ADAMTS3: variants seen among roughly 807,000 people sequenced by gnomAD.
ADAMTS3 encodes the protein ADAM metallopeptidase with thrombospondin type 1 motif 3.
In ADAMTS3, 73 loss-of-function variants were observed where a neutral mutation model predicts 129.0. That is an observed-to-expected ratio of 0.57 (90% CI 0.47 to 0.69). The LOEUF (loss-of-function observed/expected upper bound fraction) is 0.69, where lower values mean the gene tolerates loss of function less well. ADAMTS3 is among the 30% of genes least tolerant of loss of function. The pLI, the probability that ADAMTS3 is intolerant of heterozygous loss-of-function variation, is 0.00. For missense variants in ADAMTS3, 1,457 were observed against 1,514.5 expected, an observed-to-expected ratio of 0.96 and a Z score of 0.63; for synonymous variants, 477 against 510.8, an observed-to-expected ratio of 0.93 and a Z score of 0.89.
Position 72,303,974 on chromosome 4 carries a change from T to A in ADAMTS3, c.2367A>T (p.Glu789Asp). 1 of 1,613,772 alleles carries A rather than the reference T, an allele frequency of 6.2e-7. No individual in the cohort carries two copies. Among genetic ancestry groups the A allele is most frequent in the Non-Finnish European group, 8.5e-7 (1 of 1,179,762 alleles). Residue 789 changes from glutamate (E) to aspartate (D), a missense_variant, in exon 17 of 22, where the codon GAA becomes GAT. Glu to Asp is a conservative substitution (Grantham distance 45, BLOSUM62 2). Transcript: ENST00000286657. ...DLGVEWDYNIEDDIESLHTDG... is the reference protein window; with the variant it reads ...DLGVEWDYNIDDDIESLHTDG... ...CGGTGTGAAGACTTTCAATGTCATC[T>A]TCAATGTTATAATCCCACTCCACAC...
At chr4:72,295,034 T>C (rs1472660139) in intron 19 of ADAMTS3, among the ~76,000 whole-genome samples, 2 of 151,998 alleles carry the variant, frequency 1.3e-5, no homozygotes, top group African/African-American at 4.8e-5. Context: ...TTTGAGGGGA[T>C]TGATACTGAG....
chr4:72,549,982 AGAAGAAGAAGAGGAAGAG>A lies in ADAMTS3; in HGVS notation c.98-1116_98-1099del, dbSNP rs1560563801. Among the ~76,000 whole-genome samples the A allele has an allele frequency of 1.5e-3, 46 of 30,568 alleles. 4 individuals are homozygous for A. Among genetic ancestry groups the A allele is most frequent in the Middle Eastern group, 0.012 (1 of 82 alleles). 20.1% of individuals were successfully genotyped at this position (30,568 alleles called of 152,430 possible). A position where few individuals can be genotyped will look rare whatever the true frequency, so the allele number is the denominator to read the frequency against. On this transcript the variant is annotated intron_variant, in intron 2 of 21. Transcript: ENST00000286657. Reference sequence around the variant, plus strand: ...AAAAAAAAGAAGAAGAAGAAGAAGAAGAAGAAGAAGAGGAAGAGGAAGAAGAAGAAGAAGAAGAAGAAG... The same window carrying A: ...AAAAAAAAGAAGAAGAAGAAGAAGAAGAAGAAGAAGAAGAAGAAGAAGAAG...
At chr4:72,436,722 T>C (rs1485479280) in intron 3 of ADAMTS3, among the ~76,000 whole-genome samples, 1 of 151,944 alleles carries the variant, frequency 6.6e-6, no homozygotes, top group East Asian at 1.9e-4. Flanking sequence ...TGGATAAAGC[T>C]AGGAACCATC....
intron 4 of ADAMTS3, among the ~76,000 whole-genome samples, chr4:72,351,169 C>T (rs763609095): frequency 9.9e-5 from 15 of 151,976 alleles, no homozygotes; most frequent in African/African-American, 2.2e-4. Flanking sequence ...TTGTTTCAGA[C>T]ATTTTGTCCA....
intron 19 of ADAMTS3, among the ~76,000 whole-genome samples, chr4:72,292,511 A>C (rs1718700220): frequency 6.6e-6 from 1 of 152,330 alleles, no homozygotes; most frequent in South Asian, 2.1e-4. Flanking sequence ...AAACATTTCC[A>C]GAGGCATTTT....
At chr4:72,287,260 T>C (rs1054243015) in intron 21 of ADAMTS3, among the ~76,000 whole-genome samples, 34 of 150,876 alleles carry the variant, frequency 2.3e-4, no homozygotes, top group African/African-American at 8.0e-4. Context: ...TGAGCAATAA[T>C]TTTTTTTTAA....
intron 4 of ADAMTS3, among the ~76,000 whole-genome samples, chr4:72,347,279 G>A (rs1356625734): frequency 2.7e-5 from 4 of 146,872 alleles, no homozygotes; most frequent in African/African-American, 1.0e-4. Flanking sequence ...TTATTTTACT[G>A]CTTTTTTTTT....
At chr4:72,360,574 T>C (rs1349928608) in intron 4 of ADAMTS3, among the ~76,000 whole-genome samples, 1 of 151,986 alleles carries the variant, frequency 6.6e-6, no homozygotes, top group Non-Finnish European at 1.5e-5. Context: ...AATGAACATA[T>C]ATTACCAAAG....
At chr4:72,301,362 T>C (rs1209272069) in intron 17 of ADAMTS3, among the ~76,000 whole-genome samples, 1 of 152,074 alleles carries the variant, frequency 6.6e-6, no homozygotes, top group African/African-American at 2.4e-5. Context: ...TGGACTGGAA[T>C]AAAACATTTG....
intron 20 of ADAMTS3, 91 bp downstream of exon 20, chr4:72,290,764 A>G: frequency 1.5e-6 from 2 of 1,351,446 alleles, no homozygotes; most frequent in East Asian, 4.7e-5. Context: ...CAGTTCACAC[A>G]AAGCCTAACT....
At chr4:72,504,128 A>G (rs1720093477) in intron 3 of ADAMTS3, among the ~76,000 whole-genome samples, 1 of 152,156 alleles carries the variant, frequency 6.6e-6, no homozygotes, top group South Asian at 2.1e-4. Context: ...TGATGCTATC[A>G]TGAAGTTGTT....
At position 72,320,741 on chromosome 4, in the gene ADAMTS3, G is replaced by T. The variant is rs2109808630; in HGVS notation, c.1075C>A (p.Gln359Lys). The T allele has an allele frequency of 1.2e-6, 2 of 1,613,826 alleles. No individual in the cohort carries two copies. Among genetic ancestry groups the T allele is most frequent in the South Asian group, 1.1e-5 (1 of 91,052 alleles). ...HHDHAIFLTR[Q>K]DFGPAGMQGY... is the part of the protein sequence containing the mutation. ...TGCATTCCAGCAGGTCCAAAGTCTT[G>T]CCTGGTTAAAAAAATTGCATGGTCA... The change falls in exon 7 of 22, where the codon CAA becomes AAA. Residue 359 changes from glutamine (Q) to lysine (K), a missense_variant. Physicochemically the swap from Gln to Lys is moderately conservative, Grantham distance 53. Transcript: ENST00000286657.
intron 3 of ADAMTS3, among the ~76,000 whole-genome samples, chr4:72,514,082 C>CT (rs892246599): frequency 6.6e-6 from 1 of 152,106 alleles, no homozygotes; most frequent in African/African-American, 2.4e-5. Flanking sequence ...CTCACCCCCT[C>CT]TCCTTCTCTC....
intron 5 of ADAMTS3, among the ~76,000 whole-genome samples, chr4:72,325,391 C>T (rs1369052766): frequency 6.6e-6 from 1 of 152,064 alleles, no homozygotes; most frequent in African/African-American, 2.4e-5. Context: ...TATCTGATAA[C>T]ATATTCCTAA....
chr4:72,292,768 T>C (rs911099538), intron 19 of ADAMTS3, among the ~76,000 whole-genome samples: 1 of 152,162 alleles, frequency 6.6e-6, no homozygotes, highest in Admixed American at 6.5e-5. Context: ...TTTCCATATA[T>C]ATGAGGCACC....
At chr4:72,356,950 A>C (rs1720595944) in intron 4 of ADAMTS3, among the ~76,000 whole-genome samples, 1 of 151,930 alleles carries the variant, frequency 6.6e-6, no homozygotes, top group African/African-American at 2.4e-5. Flanking sequence ...AATGATAAGA[A>C]CAAGACAGAC....
chr4:72,313,365 A>G (rs895101312), intron 12 of ADAMTS3, among the ~76,000 whole-genome samples: 2 of 152,114 alleles, frequency 1.3e-5, no homozygotes, highest in African/African-American at 4.8e-5. Flanking sequence ...CTGGCAGTCA[A>G]TCTCGCAGTG....
intron 3 of ADAMTS3, among the ~76,000 whole-genome samples, chr4:72,540,081 C>T (rs1446962168): frequency 6.6e-6 from 1 of 152,098 alleles, no homozygotes; most frequent in South Asian, 2.1e-4. Context: ...CAGAAGACAA[C>T]AGGAAAATGT....
chr4:72,568,839 G>C lies in ADAMTS3; in HGVS notation c.-77C>G. The C allele has an allele frequency of 2.3e-6, 2 of 863,882 alleles. No homozygotes were observed. Among genetic ancestry groups the C allele is most frequent in the African/African-American group, 3.2e-5 (1 of 31,132 alleles). 53.5% of individuals were successfully genotyped at this position (863,882 alleles called of 1,614,324 possible). A position where few individuals can be genotyped will look rare whatever the true frequency, so the allele number is the denominator to read the frequency against. On this transcript the variant is annotated 5_prime_UTR_variant, in exon 1 of 22. Coordinates refer to ENST00000286657, the MANE Select transcript of ADAMTS3 (RefSeq NM_014243.3). ...AACCCACCCCCCCCGCCCAAAATAA[G>C]TTTCTTTAAGAAAAAAAGGAAAAGG...
Sources: allele counts gnomAD v4.1 joint callset (sites outside exome capture counted in the v4.1 genomes callset), GRCh38; gene constraint gnomAD v4.1.1; transcripts MANE v1.5; gene names NCBI Gene and HGNC (gene_info 2026-07-23, HGNC 2026-07-21).